TERB1: variants seen among roughly 807,000 people sequenced by gnomAD.
TERB1 encodes the protein telomere repeats-binding bouquet formation protein 1.
A neutral mutation model predicts 92.3 loss-of-function variants in TERB1; 63 were observed. That is an observed-to-expected ratio of 0.68 (90% CI 0.56 to 0.84). The LOEUF is 0.84. TERB1 is among the 40% of genes least tolerant of loss of function. The pLI is 0.00. For missense variants in TERB1, 709 were observed against 843.7 expected (o/e 0.84, Z 1.98); for synonymous variants, 252 against 283.9 (o/e 0.89, Z 1.13).
chr16:66,775,285 ACTAT>A (rs908122501), intron 11 of TERB1, 42 bp from the exon 12 acceptor site: 71 of 1,501,628 alleles, frequency 4.7e-5, no homozygotes, highest in Non-Finnish European at 6.3e-5. Context: ...TTTATCATAA[ACTAT>A]CTATATGAGG....
At chr16:66,767,649 A>AT in intron 15 of TERB1, 139 bp from the exon 16 acceptor site, 1 of 563,612 alleles carries the variant, frequency 1.8e-6, no homozygotes, top group East Asian at 3.2e-5. Context: ...AAACAGAAAG[A>AT]TTCTGGATCT....
intron 13 of TERB1, among the ~76,000 whole-genome samples, chr16:66,770,862 A>T (rs553134836): frequency 5.3e-5 from 8 of 152,004 alleles, no homozygotes; most frequent in South Asian, 2.1e-4. Context: ...ATATATATAT[A>T]TTTTTTGAGA....
intron 9 of TERB1, among the ~76,000 whole-genome samples, 156 bp from the exon 10 acceptor site, chr16:66,779,171 T>C (rs1361097240): frequency 6.6e-6 from 1 of 152,250 alleles, no homozygotes; most frequent in African/African-American, 2.4e-5. Context: ...TACCTGTGCA[T>C]ATAATCATAA....
intron 18 of TERB1, among the ~76,000 whole-genome samples, chr16:66,756,879 G>C (rs1228409391): frequency 6.6e-6 from 1 of 152,172 alleles, no homozygotes; most frequent in Non-Finnish European, 1.5e-5. Flanking sequence ...TATTAGGGAA[G>C]AGCAAGGGAA....
chr16:66,776,801 AC>A (rs1263024538), intron 11 of TERB1, among the ~76,000 whole-genome samples: 1 of 152,200 alleles, frequency 6.6e-6, no homozygotes, highest in Non-Finnish European at 1.5e-5. Context: ...GAAAGTTTTA[AC>A]AAGGAGAACA....
Position 66,755,162 on chromosome 16 carries a change from T to C in TERB1, c.1998A>G (p.Lys666=). The part of the protein sequence containing the change: ...SNESTTPGGI[K]KRRIRKNFTE... ...TAAAGTTTTTGCGAATTCTTCTTTT[T>C]TCTATAATTAGAATTGTAGAATATA... Residue 666 remains lysine (K), a splice_region_variant and synonymous_variant, in exon 19 of 19, where the codon AAA becomes AAG. Coordinates refer to ENST00000433154, the MANE Select transcript of TERB1 (RefSeq NM_001136505.2). 1.3e-6 allele frequency: 2 copies of C among 1,495,342 alleles called. No individual in the cohort carries two copies. The highest frequency in any genetic ancestry group is 1.8e-6 in the Non-Finnish European group (2 of 1,097,190). The allele number at this position is 1,495,342 out of a possible 1,614,324, so 92.6% of individuals were successfully genotyped here. A position where few individuals can be genotyped will look rare whatever the true frequency, so the allele number is the denominator to read the frequency against.
At chr16:66,789,245 T>A (rs963439359) in intron 5 of TERB1, among the ~76,000 whole-genome samples, 2 of 151,794 alleles carry the variant, frequency 1.3e-5, no homozygotes, top group African/African-American at 4.8e-5. Flanking sequence ...ATGTACCCTA[T>A]AAATATATAC....
intron 2 of TERB1, among the ~76,000 whole-genome samples, chr16:66,797,623 C>CCACACACACACACACACA (rs71145942): frequency 4.0e-4 from 57 of 140,946 alleles, no homozygotes; most frequent in Non-Finnish European, 5.2e-4. Context: ...TAAAAACACA[C>CCACACACACACACACACA]CACACACACA....
At chr16:66,787,641 A>C (rs2018751392) in intron 6 of TERB1, among the ~76,000 whole-genome samples, 1 of 152,218 alleles carries the variant, frequency 6.6e-6, no homozygotes, top group South Asian at 2.1e-4. Flanking sequence ...AAATCAAATA[A>C]ACTAATTCAT....
chr16:66,786,878 C>T (rs1403178688), intron 6 of TERB1, among the ~76,000 whole-genome samples: 1 of 152,218 alleles, frequency 6.6e-6, no homozygotes, highest in East Asian at 1.9e-4. Context: ...TGCCCTACCC[C>T]CACCCAACAC....
intron 11 of TERB1, among the ~76,000 whole-genome samples, chr16:66,775,953 G>T (rs180725114): frequency 6.6e-6 from 1 of 151,804 alleles, no homozygotes; most frequent in African/African-American, 2.4e-5. Flanking sequence ...CTCGTGATCT[G>T]CCCACCTCAG....
intron 2 of TERB1, among the ~76,000 whole-genome samples, chr16:66,800,397 T>TTTG (rs1319697175): frequency 4.1e-5 from 6 of 146,230 alleles, no homozygotes; most frequent in African/African-American, 7.4e-5. Flanking sequence ...AGAAAGTTTT[T>TTTG]TTTTTTTTTT....
At chr16:66,760,783 C>CAAAAAAAAAAAAAAAAAAAAAA (rs57817560) in intron 16 of TERB1, among the ~76,000 whole-genome samples, 1 of 67,248 alleles carries the variant, frequency 1.5e-5, no homozygotes, top group Non-Finnish European at 2.8e-5. Flanking sequence ...GACTCCATCT[C>CAAAAAAAAAAAAAAAAAAAAAA]AAAAAAAAAA....
intron 2 of TERB1, among the ~76,000 whole-genome samples, chr16:66,798,234 C>T (rs1205818756): frequency 6.7e-6 from 1 of 148,842 alleles, no homozygotes; most frequent in Admixed American, 6.8e-5. Flanking sequence ...GGCTGTAGTG[C>T]AGTGGCATGA....
chr16:66,767,945 C>T (rs1275022893), intron 15 of TERB1, among the ~76,000 whole-genome samples, 159 bp downstream of exon 15: 1 of 152,178 alleles, frequency 6.6e-6, no homozygotes, highest in Non-Finnish European at 1.5e-5. Flanking sequence ...CCAGACTGGT[C>T]TTGAACTCCT....
rs2018108829 is a variant in TERB1, at chr16:66,754,753, G to A, written c.*223C>T. The A allele has an allele frequency of 2.1e-6, 1 of 476,024 alleles. No homozygotes were observed. The highest frequency in any genetic ancestry group is 2.0e-5 in the African/African-American group (1 of 49,714). The allele number at this position is 476,024 out of a possible 1,614,324, so 29.5% of individuals were successfully genotyped here. On this transcript the variant is annotated 3_prime_UTR_variant, in exon 19 of 19. Transcript: ENST00000433154. The stretch of plus-strand genomic sequence containing the variant: ...AAAGCATATTCCTAAACAAATGTTT[G>A]ATCTTATGAAGGAATTTTCTTACTA...
chr16:66,789,642 C>A, intron 5 of TERB1, among the ~76,000 whole-genome samples: 2 of 121,072 alleles, frequency 1.7e-5, no homozygotes, highest in African/African-American at 3.0e-5. Flanking sequence ...AATTCAGGGA[C>A]TATATCTTAC....
rs933246651 is a variant in TERB1, at chr16:66,789,291, A to T, written c.272-994T>A. Among the ~76,000 whole-genome samples, 6 of 150,986 alleles carry T rather than the reference A, an allele frequency of 4.0e-5. 2 individuals carry two copies. The highest frequency in any genetic ancestry group is 7.4e-5 in the Non-Finnish European group (5 of 67,768). Reference sequence around the variant, plus strand: ...TAGCCACAAAAATTAAAAATAAATTAAAAAAAAATTCGGCCGGGCGCGGTG... The same window carrying T: ...TAGCCACAAAAATTAAAAATAAATTTAAAAAAAATTCGGCCGGGCGCGGTG... On this transcript the variant is annotated intron_variant, in intron 5 of 18. Transcript: ENST00000433154.
intron 9 of TERB1, among the ~76,000 whole-genome samples, chr16:66,781,137 G>C (rs2018628786): frequency 6.6e-6 from 1 of 150,926 alleles, no homozygotes; most frequent in Non-Finnish European, 1.5e-5. Context: ...CTGTAAGCTT[G>C]AACTCCTGGA....
Sources: gnomAD v4.1 joint callset for allele counts (sites outside exome capture counted in the v4.1 genomes callset) on GRCh38, gnomAD v4.1.1 for gene constraint, MANE v1.5 for transcripts, NCBI Gene and HGNC (gene_info 2026-07-23, HGNC 2026-07-21) for gene names.